The following CEP85L variants were observed in gnomAD, a reference collection of about 807,000 sequenced individuals.
The protein encoded by CEP85L is centrosomal protein 85L, also known as centrosomal protein of 85 kDa-like.
Under a neutral mutation model 100.3 loss-of-function variants are expected in CEP85L, and 60 were observed. The observed-to-expected ratio is 0.60, with a 90% CI of 0.49 to 0.74. The LOEUF (loss-of-function observed/expected upper bound fraction) is 0.74. Among genes scored for constraint, CEP85L ranks in the 30% least tolerant of loss-of-function variants. The probability of loss-of-function intolerance (pLI) is 0.00; values close to 1 mark genes in which losing one functional copy is unlikely to be tolerated. For synonymous variants in CEP85L, 319 were observed against 322.7 expected (o/e 0.99, Z 0.12); for missense variants, 973 against 936.2 (o/e 1.04, Z -0.51).
intron 2 of CEP85L, among the ~76,000 whole-genome samples, chr6:118,600,949 A>T (rs1005895582): frequency 6.6e-6 from 1 of 152,166 alleles, no homozygotes; most frequent in African/African-American, 2.4e-5. Context: ...TTTTAACTGG[A>T]TATACCGTGG....
intron 2 of CEP85L, among the ~76,000 whole-genome samples, chr6:118,572,671 G>T (rs1779974316): frequency 6.6e-6 from 1 of 152,048 alleles, no homozygotes; most frequent in Non-Finnish European, 1.5e-5. Context: ...TAGGAGTGGG[G>T]CTATATAAAG....
At chr6:118,488,815 T>G (rs1226618209) in intron 6 of CEP85L, among the ~76,000 whole-genome samples, 1 of 152,112 alleles carries the variant, frequency 6.6e-6, no homozygotes, top group Non-Finnish European at 1.5e-5. Context: ...ACAAGAAAAA[T>G]GACCTGTCAC....
At chr6:118,603,402 A>G (rs1479229090) in intron 2 of CEP85L, among the ~76,000 whole-genome samples, 1 of 152,240 alleles carries the variant, frequency 6.6e-6, no homozygotes, top group Non-Finnish European at 1.5e-5. Context: ...CCTTGGTAAA[A>G]TAACCAATTT....
chr6:118,705,596 T>C (rs550286621), intron 1 of CEP85L, among the ~76,000 whole-genome samples: 55 of 152,340 alleles, frequency 3.6e-4, no homozygotes, highest in Non-Finnish European at 6.5e-4. Flanking sequence ...ATGGTAAGTG[T>C]GATTTGCACA....
chr6:118,702,341 T>C (rs963767654), intron 1 of CEP85L, among the ~76,000 whole-genome samples: 6 of 151,996 alleles, frequency 3.9e-5, no homozygotes, highest in East Asian at 2.0e-4. Flanking sequence ...GGAGACCCCA[T>C]CTCTACAAAA....
intron 12 of CEP85L, among the ~76,000 whole-genome samples, chr6:118,467,057 G>A (rs918995333): frequency 1.3e-5 from 2 of 152,058 alleles, no homozygotes; most frequent in Admixed American, 1.3e-4. Flanking sequence ...GGTGAATGGT[G>A]GTGTTACTCA....
At chr6:118,596,928 C>T (rs1449125668) in intron 2 of CEP85L, among the ~76,000 whole-genome samples, 1 of 152,174 alleles carries the variant, frequency 6.6e-6, no homozygotes, top group Admixed American at 6.5e-5. Context: ...ATTGTAGTTC[C>T]CATAATCCCC....
At chr6:118,559,039 A>G in intron 3 of CEP85L, 1 of 1,611,392 alleles carries the variant, frequency 6.2e-7, no homozygotes, top group Non-Finnish European at 8.5e-7. Context: ...TCTCATCTTA[A>G]TATGTCTCTT....
At chr6:118,539,330 C>A (rs1452057590) in intron 3 of CEP85L, among the ~76,000 whole-genome samples, 1 of 152,124 alleles carries the variant, frequency 6.6e-6, no homozygotes, top group East Asian at 1.9e-4. Flanking sequence ...GTATTTAGTA[C>A]AATAACATTC....
intron 2 of CEP85L, among the ~76,000 whole-genome samples, chr6:118,598,903 G>A (rs1295549220): frequency 1.3e-5 from 2 of 152,116 alleles, no homozygotes; most frequent in South Asian, 2.1e-4. Context: ...TCTAACTGTT[G>A]GAGAGGGAAG....
intron 1 of CEP85L, chr6:118,664,604 T>C (rs6569026): frequency 0.71 from 107,784 of 152,276 alleles, 38,841 homozygotes; most frequent in Non-Finnish European, 0.75. Flanking sequence ...AACAGCACTG[T>C]GTGTCACGGA....
chr6:118,532,551 T>C (rs1777355934), intron 3 of CEP85L, among the ~76,000 whole-genome samples: 1 of 152,166 alleles, frequency 6.6e-6, no homozygotes, highest in Non-Finnish European at 1.5e-5. Context: ...AAAAAGTAAA[T>C]AAAACTGTAC....
intron 1 of CEP85L, among the ~76,000 whole-genome samples, chr6:118,670,513 T>G (rs1174564991): frequency 1.3e-5 from 2 of 152,040 alleles, no homozygotes; most frequent in East Asian, 1.9e-4. Flanking sequence ...AGTGAGAACA[T>G]GTGGTATTTG....
In CEP85L at chr6:118,678,641, C is replaced by T. The variant is rs547343271; in HGVS notation, c.-27-25833G>A. 8.5e-5 allele frequency among the ~76,000 whole-genome samples: 13 copies of T among 152,296 alleles called. 1 individual carries two copies. In the South Asian group the frequency reaches 2.7e-3, roughly 32 times the overall value. On this transcript the variant is annotated intron_variant, in intron 1 of 13. Transcript: ENST00000368488. ...CTACTATATAAATCATTGCTTTATC[C>T]TCAATGCTTGCAGCATTAAACAATT...
At chr6:118,685,171 TTAAGAATA>T (rs1411666834) in intron 1 of CEP85L, among the ~76,000 whole-genome samples, 3 of 152,184 alleles carry the variant, frequency 2.0e-5, no homozygotes, top group South Asian at 2.1e-4. Flanking sequence ...CCTTTTGTTT[TTAAGAATA>T]TAAGAATATA....
intron 3 of CEP85L, among the ~76,000 whole-genome samples, chr6:118,557,712 AATGG>A (rs2114961444): frequency 6.6e-6 from 1 of 152,288 alleles, no homozygotes; most frequent in Admixed American, 6.5e-5. Context: ...AAAATGAATG[AATGG>A]ATGAATACAA....
chr6:118,555,566 AC>A (rs1170332323), intron 3 of CEP85L, among the ~76,000 whole-genome samples: 2 of 152,216 alleles, frequency 1.3e-5, no homozygotes, highest in African/African-American at 4.8e-5. Context: ...TCAATAAAGA[AC>A]AAAAGAAAAT....
rs1273450464 is a variant in CEP85L, at chr6:118,632,445, T to C, written c.232+8A>G. On this transcript the variant is annotated splice_region_variant and intron_variant, in intron 2 of 12. Coordinates refer to ENST00000368491, the MANE Select transcript of CEP85L (RefSeq NM_001042475.3). ...ATTCATATATAAACAATAAGAATTT[T>C]AGCTCACCTTCCACGCTATCAGAAC... The C allele has an allele frequency of 4.4e-6, 7 of 1,581,602 alleles. No homozygotes were observed. Among genetic ancestry groups the C allele is most frequent in the South Asian group, 2.4e-5 (2 of 84,096 alleles).
chr6:118,642,992 G>T (rs1774974971), intron 1 of CEP85L, among the ~76,000 whole-genome samples: 1 of 152,140 alleles, frequency 6.6e-6, no homozygotes, highest in South Asian at 2.1e-4. Context: ...TAAAAACTGG[G>T]AAAATAAGGT....
Sources: gnomAD v4.1 joint callset for allele counts (sites outside exome capture counted in the v4.1 genomes callset) on GRCh38, gnomAD v4.1.1 for gene constraint, MANE v1.5 for transcripts, NCBI Gene and HGNC (gene_info 2026-07-23, HGNC 2026-07-21) for gene names.